The following DGKG variants were observed in gnomAD, a reference collection of about 807,000 sequenced individuals.
The protein encoded by DGKG is DAG kinase gamma.
A neutral mutation model predicts 105.3 loss-of-function variants in DGKG; 78 were observed. That is an observed-to-expected ratio of 0.74 (90% confidence interval 0.62 to 0.89). The LOEUF is 0.89. Ranked by LOEUF, DGKG falls within the 40% of genes least tolerant of loss-of-function variation. The pLI, the probability that DGKG is intolerant of heterozygous loss-of-function variation, is 0.00. For synonymous variants in DGKG, 346 were observed against 367.1 expected, an observed-to-expected ratio of 0.94 and a Z score of 0.66; for missense variants, 958 against 1,020.1, an observed-to-expected ratio of 0.94 and a Z score of 0.83.
Position 186,314,974 on chromosome 3 carries a change from C to T in DGKG, c.67+5419G>A, listed in dbSNP as rs568496957. The stretch of plus-strand genomic sequence containing the variant: ...AATTGAAGAAAAAATGCCCACCCCC[C>T]AATGGCCACCAGCAATTATTGTTAG... On this transcript the variant is annotated intron_variant, in intron 2 of 24. Transcript: ENST00000265022. Among the ~76,000 whole-genome samples, 21 of 152,230 alleles carry T rather than the reference C, an allele frequency of 1.4e-4. 1 individual carries two copies. In the East Asian group the frequency reaches 3.5e-3, roughly 25 times the overall value.
intron 21 of DGKG, chr3:186,207,501 T>G: frequency 3.0e-6 from 3 of 985,454 alleles, no homozygotes; most frequent in Non-Finnish European, 3.6e-6. Context: ...GCAGATTCCA[T>G]GAGGCACTTA....
chr3:186,260,375 G>T (rs1721707244), intron 16 of DGKG, 64 bp downstream of exon 16: 3 of 1,147,088 alleles, frequency 2.6e-6, no homozygotes, highest in East Asian at 2.3e-5. Context: ...GACAAAAGAG[G>T]CATCTTCATT....
At chr3:186,153,729 C>T (rs904985899) in intron 24 of DGKG, among the ~76,000 whole-genome samples, 4 of 152,180 alleles carry the variant, frequency 2.6e-5, no homozygotes, top group African/African-American at 9.7e-5. Flanking sequence ...CTGAATGTTG[C>T]CTTCTCAGGG....
At chr3:186,320,314 CATACTGCT>C in intron 2 of DGKG, 71 bp downstream of exon 2, 2 of 1,560,502 alleles carry the variant, frequency 1.3e-6, no homozygotes, top group Non-Finnish European at 1.8e-6. Flanking sequence ...TTGCAATGAT[CATACTGCT>C]ATGCTTTCCA....
intron 1 of DGKG, among the ~76,000 whole-genome samples, chr3:186,335,024 G>T (rs1394419966): frequency 7.2e-5 from 11 of 152,214 alleles, no homozygotes; most frequent in Non-Finnish European, 1.2e-4. Context: ...CAGAAAGGAA[G>T]AACAAATTAA....
intron 1 of DGKG, among the ~76,000 whole-genome samples, chr3:186,335,116 G>A (rs1000378232): frequency 3.3e-5 from 5 of 152,158 alleles, no homozygotes; most frequent in African/African-American, 1.2e-4. Context: ...AGCTTGCCCA[G>A]GCTGGAGTGC....
chr3:186,179,610 C>A (rs2108493206), intron 22 of DGKG, among the ~76,000 whole-genome samples: 1 of 152,346 alleles, frequency 6.6e-6, no homozygotes, highest in African/African-American at 2.4e-5. Flanking sequence ...ATCACAGTTT[C>A]TATAGAAATA....
At chr3:186,216,006 A>AT (rs1719272947) in intron 20 of DGKG, among the ~76,000 whole-genome samples, 1 of 150,878 alleles carries the variant, frequency 6.6e-6, no homozygotes, top group East Asian at 2.0e-4. Flanking sequence ...AACCCCCATT[A>AT]TTTGGGGGGT....
At chr3:186,201,442 C>G (rs1718456148) in intron 21 of DGKG, among the ~76,000 whole-genome samples, 1 of 152,192 alleles carries the variant, frequency 6.6e-6, no homozygotes. Context: ...GCCACATGAG[C>G]TCTGCCCACT....
chr3:186,360,471 T>C (rs1397978215), intron 1 of DGKG, among the ~76,000 whole-genome samples: 1 of 151,838 alleles, frequency 6.6e-6, no homozygotes, highest in Admixed American at 6.6e-5. Context: ...ATTTAAGGAG[T>C]ATAATTCATA....
At chr3:186,270,908 A>C (rs1287414292) in intron 11 of DGKG, among the ~76,000 whole-genome samples, 1 of 152,228 alleles carries the variant, frequency 6.6e-6, no homozygotes, top group African/African-American at 2.4e-5. Context: ...TCTGTGTGAC[A>C]GGTGGCCAGA....
intron 17 of DGKG, among the ~76,000 whole-genome samples, chr3:186,254,333 C>G (rs552694585): frequency 6.6e-6 from 1 of 152,116 alleles, no homozygotes; most frequent in Non-Finnish European, 1.5e-5. Flanking sequence ...AATGGCTGAG[C>G]GCAGGCAAGA....
intron 22 of DGKG, among the ~76,000 whole-genome samples, chr3:186,181,460 T>C (rs1281516297): frequency 6.6e-6 from 1 of 152,174 alleles, no homozygotes; most frequent in East Asian, 1.9e-4. Context: ...TGGCTGGGTG[T>C]GGTGGCTCAC....
chr3:186,245,008 C>A (rs1268187096), intron 19 of DGKG, among the ~76,000 whole-genome samples: 1 of 151,766 alleles, frequency 6.6e-6, no homozygotes, highest in Non-Finnish European at 1.5e-5. Context: ...TTTCGTCTGT[C>A]AGGAAAAAAA....
At chr3:186,317,784 G>C (rs1416721604) in intron 2 of DGKG, among the ~76,000 whole-genome samples, 1 of 152,126 alleles carries the variant, frequency 6.6e-6, no homozygotes, top group East Asian at 1.9e-4. Context: ...CTTGAGTCCT[G>C]TTTGTCTTCC....
chr3:186,237,140 T>G (rs1450544670), intron 20 of DGKG, among the ~76,000 whole-genome samples: 1 of 152,198 alleles, frequency 6.6e-6, no homozygotes, highest in Non-Finnish European at 1.5e-5. Flanking sequence ...TCCCTCTCCT[T>G]CTCCCTAAGT....
intron 3 of DGKG, among the ~76,000 whole-genome samples, chr3:186,303,915 G>A (rs1013084215): frequency 2.6e-5 from 4 of 152,226 alleles, no homozygotes; most frequent in African/African-American, 4.8e-5. Context: ...AAACTCAAGA[G>A]AAATTAAACC....
chr3:186,293,747 T>G (rs1039986075), intron 5 of DGKG, among the ~76,000 whole-genome samples: 10 of 152,218 alleles, frequency 6.6e-5, no homozygotes, highest in Admixed American at 6.5e-5. Context: ...GGCTTCCACC[T>G]GGGCAACAGG....
intron 1 of DGKG, among the ~76,000 whole-genome samples, chr3:186,333,810 C>T (rs1267072073): frequency 2.6e-5 from 4 of 152,156 alleles, no homozygotes; most frequent in Admixed American, 2.6e-4. Flanking sequence ...AAAGACAGCT[C>T]TGTAAAAATG....
Sources: allele counts gnomAD v4.1 joint callset (sites outside exome capture counted in the v4.1 genomes callset), GRCh38; gene constraint gnomAD v4.1.1; transcripts MANE v1.5; gene names NCBI Gene and HGNC (gene_info 2026-07-23, HGNC 2026-07-21).